ZNF431: variants seen among roughly 807,000 people sequenced by gnomAD.
ZNF431 encodes zinc finger protein 431.
In ZNF431, 34 loss-of-function variants were observed where a neutral mutation model predicts 57.0. That is an observed-to-expected ratio of 0.60 (90% confidence interval 0.45 to 0.79). The LOEUF is 0.79. Among genes scored for constraint, ZNF431 ranks in the 30% least tolerant of loss-of-function variants. The pLI, the probability that ZNF431 is intolerant of heterozygous loss-of-function variation, is 0.00. For missense variants in ZNF431, 607 were observed against 667.1 expected (o/e 0.91, Z 0.99); for synonymous variants, 207 against 220.3 (o/e 0.94, Z 0.54).
chr19:21,177,387 T>G (rs902240559), intron 4 of ZNF431, among the ~76,000 whole-genome samples: 13 of 152,198 alleles, frequency 8.5e-5, no homozygotes, highest in Non-Finnish European at 1.5e-5. Flanking sequence ...TTGGTCTATA[T>G]GTATGTTTTT....
intron 2 of ZNF431, among the ~76,000 whole-genome samples, chr19:21,144,005 CA>C (rs1970014033): frequency 6.6e-6 from 1 of 151,684 alleles, no homozygotes. Context: ...TTCATGAGCA[CA>C]TAAGTGAGCA....
intron 2 of ZNF431, among the ~76,000 whole-genome samples, chr19:21,157,247 C>T (rs553612625): frequency 1.3e-5 from 2 of 152,296 alleles, no homozygotes; most frequent in African/African-American, 2.4e-5. Context: ...AAGCAATTCT[C>T]CTGCTTCAGC....
intron 4 of ZNF431, among the ~76,000 whole-genome samples, chr19:21,179,788 G>T (rs543072847): frequency 2.0e-5 from 3 of 151,510 alleles, no homozygotes; most frequent in Admixed American, 1.3e-4. Flanking sequence ...TCGAACTCCC[G>T]ACCTCAGGTG....
intron 3 of ZNF431, among the ~76,000 whole-genome samples, chr19:21,167,138 G>A (rs1231413492): frequency 2.0e-5 from 3 of 151,342 alleles, no homozygotes; most frequent in Non-Finnish European, 2.9e-5. Flanking sequence ...GATTACAGGC[G>A]TGAGCCACTG....
At chr19:21,153,874 G>A (rs976022717) in intron 2 of ZNF431, among the ~76,000 whole-genome samples, 1 of 152,078 alleles carries the variant, frequency 6.6e-6, no homozygotes, top group Non-Finnish European at 1.5e-5. Context: ...CCACCACCAT[G>A]CCCGTCTAAT....
intron 2 of ZNF431, among the ~76,000 whole-genome samples, chr19:21,154,446 T>C (rs1195436584): frequency 1.3e-5 from 2 of 152,216 alleles, no homozygotes; most frequent in Admixed American, 1.3e-4. Flanking sequence ...TGGTTCCAAG[T>C]CTTTGCTATT....
intron 4 of ZNF431, among the ~76,000 whole-genome samples, chr19:21,174,969 T>C (rs796695575): frequency 3.3e-5 from 5 of 151,970 alleles, no homozygotes; most frequent in South Asian, 4.2e-4. Flanking sequence ...ACCATGTTGG[T>C]CAGGCTGGTC....
chr19:21,163,466 G>A (rs1970632370), intron 2 of ZNF431, among the ~76,000 whole-genome samples: 1 of 152,160 alleles, frequency 6.6e-6, no homozygotes, highest in Admixed American at 6.5e-5. Context: ...ACCCATTCAT[G>A]GACTTTTTCC....
chr19:21,172,406 TGAGAGAGC>T (rs1248831793), intron 4 of ZNF431, among the ~76,000 whole-genome samples: 1 of 141,518 alleles, frequency 7.1e-6, no homozygotes, highest in African/African-American at 2.6e-5. Flanking sequence ...CCAGCCTGGG[TGAGAGAGC>T]GAGATTCCAT....
At chr19:21,171,157 G>T (rs962713530) in intron 4 of ZNF431, among the ~76,000 whole-genome samples, 2 of 150,824 alleles carry the variant, frequency 1.3e-5, no homozygotes, top group East Asian at 3.9e-4. Flanking sequence ...TTTTTTACAT[G>T]CTTATTTAAA....
At chr19:21,160,749 A>T (rs1476903928) in intron 2 of ZNF431, among the ~76,000 whole-genome samples, 1 of 152,188 alleles carries the variant, frequency 6.6e-6, no homozygotes, top group South Asian at 2.1e-4. Context: ...TACTCCCTTC[A>T]TATAAGAGGT....
chr19:21,171,360 T>C (rs16997512), intron 4 of ZNF431, among the ~76,000 whole-genome samples: 1,829 of 151,656 alleles, frequency 0.012, 30 homozygotes, highest in South Asian at 0.048. Flanking sequence ...TGTCTCTTAT[T>C]ACGCAGTTTC....
At position 21,166,358 on chromosome 19, in the gene ZNF431, G is replaced by C; in HGVS notation, c.120G>C (p.Val40=). The C allele has an allele frequency of 1.9e-6, 3 of 1,613,334 alleles. No homozygotes were observed. ...FEKETLTFRD[V]AIEFSLEEWE... Reference sequence around the variant, plus strand: ...AGGAGACATTGACATTTAGGGATGTGGCCATAGAATTCTCTCTGGAGGAGT... The same window carrying C: ...AGGAGACATTGACATTTAGGGATGTCGCCATAGAATTCTCTCTGGAGGAGT... Residue 40 remains valine, a synonymous_variant, in exon 3 of 5, where the codon GTG becomes GTC. Coordinates refer to ENST00000311048, the MANE Select transcript of ZNF431 (RefSeq NM_133473.4).
At chr19:21,156,204 A>G (rs1247162673) in intron 2 of ZNF431, among the ~76,000 whole-genome samples, 1 of 152,186 alleles carries the variant, frequency 6.6e-6, no homozygotes, top group Non-Finnish European at 1.5e-5. Flanking sequence ...TGCCACAGCA[A>G]CCTGTTTTCC....
intron 2 of ZNF431, among the ~76,000 whole-genome samples, chr19:21,155,501 T>C (rs1432677613): frequency 1.3e-5 from 2 of 152,154 alleles, no homozygotes; most frequent in African/African-American, 4.8e-5. Flanking sequence ...CTTGGCAATG[T>C]GGGCTCCTTT....
Position 21,184,087 on chromosome 19 carries a change from T to G in ZNF431, c.*53T>G. 6.8e-7 allele frequency: 1 copy of G among 1,476,022 alleles called. No homozygotes were observed. The highest frequency in any genetic ancestry group is 9.0e-7 in the Non-Finnish European group (1 of 1,106,662). The allele number at this position is 1,476,022 out of a possible 1,614,324, so 91.4% of individuals were successfully genotyped here. A position where few individuals can be genotyped will look rare whatever the true frequency, so the allele number is the denominator to read the frequency against. ...AATATTGGCCGGGTGCGGTGGCTTATGCAAAATGGCTCCCAGCATTTTGGG... is the reference window on the plus strand; with the variant it reads ...AATATTGGCCGGGTGCGGTGGCTTAGGCAAAATGGCTCCCAGCATTTTGGG... On this transcript the variant is annotated 3_prime_UTR_variant, in exon 5 of 5. Coordinates refer to ENST00000311048, the MANE Select transcript of ZNF431 (RefSeq NM_133473.4).
rs917734315 is a variant in ZNF431 at position 21,191,859 on chromosome 19, A to G, written c.*7825A>G. On this transcript the variant is annotated 3_prime_UTR_variant, in exon 5 of 5. Coordinates refer to ENST00000311048, the MANE Select transcript of ZNF431 (RefSeq NM_133473.4). Reference sequence around the variant, plus strand: ...GCTATTCAGGGTCTTTTGTGATACCATATGAATTTTAGATATACTTTTAAA... The same window carrying G: ...GCTATTCAGGGTCTTTTGTGATACCGTATGAATTTTAGATATACTTTTAAA... The G allele has an allele frequency of 6.6e-6, 1 of 152,188 alleles. No individual in the cohort carries two copies. The highest frequency in any genetic ancestry group is 2.4e-5 in the African/African-American group (1 of 41,456). The allele number at this position is 152,188 out of a possible 1,614,324, so 9.4% of individuals were successfully genotyped here. A position where few individuals can be genotyped will look rare whatever the true frequency, so the allele number is the denominator to read the frequency against.
rs140512518 is a variant in ZNF431 at position 21,179,052 on chromosome 19, A to G, written c.320-3571A>G. On this transcript the variant is annotated intron_variant, in intron 4 of 4. Coordinates refer to ENST00000311048, the MANE Select transcript of ZNF431 (RefSeq NM_133473.4). Reference sequence around the variant, plus strand: ...TCCCGCCTCAATTTCAGAACTTGTCATTGGTCTATGCAGCGATTCAACTTC... The same window carrying G: ...TCCCGCCTCAATTTCAGAACTTGTCGTTGGTCTATGCAGCGATTCAACTTC... Among the ~76,000 whole-genome samples, 11 of 152,154 alleles carry G rather than the reference A, an allele frequency of 7.2e-5. No individual in the cohort carries two copies. In the East Asian group the frequency reaches 1.4e-3, roughly 19 times the overall value.
chr19:21,195,257 T>G lies in ZNF431; in HGVS notation c.*11223T>G, dbSNP rs959857598. 4 of 152,244 alleles carry G rather than the reference T, an allele frequency of 2.6e-5. No homozygotes were observed. The highest frequency in any genetic ancestry group is 2.1e-4 in the South Asian group (1 of 4,828). The allele number at this position is 152,244 out of a possible 1,614,324, so 9.4% of individuals were successfully genotyped here. A position where few individuals can be genotyped will look rare whatever the true frequency, so the allele number is the denominator to read the frequency against. ...CTTCATTTCTGCAATTTCTGCTGCT[T>G]CTTAAGATGCTTTTAATGAATAAAA... On this transcript the variant is annotated 3_prime_UTR_variant, in exon 5 of 5. Coordinates refer to ENST00000311048, the MANE Select transcript of ZNF431 (RefSeq NM_133473.4).
Sources: gnomAD v4.1 joint callset for allele counts (sites outside exome capture counted in the v4.1 genomes callset) on GRCh38, gnomAD v4.1.1 for gene constraint, MANE v1.5 for transcripts, NCBI Gene and HGNC (gene_info 2026-07-23, HGNC 2026-07-21) for gene names.